The following CGGBP1 variants were observed in gnomAD, a reference collection of about 807,000 sequenced individuals.
CGGBP1 encodes the protein CGG triplet repeat binding protein 1, also known as CGG triplet repeat-binding protein 1.
In CGGBP1, 4 loss-of-function variants were observed where a neutral mutation model predicts 11.4. The ratio of observed to expected loss-of-function variants is 0.35; its 90% CI spans 0.17 to 0.80. CGGBP1 has a LOEUF of 0.80. Among genes scored for constraint, CGGBP1 ranks in the 30% least tolerant of loss-of-function variants. CGGBP1 has a pLI of 0.52. For missense variants in CGGBP1, 135 were observed against 202.1 expected (o/e 0.67, Z 2.01); for synonymous variants, 76 against 74.1 (o/e 1.03, Z -0.13).
intron 2 of CGGBP1, chr3:88,129,913 TG>T: frequency 1.7e-6 from 2 of 1,202,892 alleles, no homozygotes; most frequent in Admixed American, 6.4e-5. Flanking sequence ...TTACATTGTA[TG>T]AAAATGTCAA....
chr3:88,065,612 T>C (rs1299986340), intron 2 of CGGBP1, among the ~76,000 whole-genome samples: 1 of 152,062 alleles, frequency 6.6e-6, no homozygotes, highest in Non-Finnish European at 1.5e-5. Flanking sequence ...TGAATTTTAT[T>C]TTTTACATTT....
intron 2 of CGGBP1, among the ~76,000 whole-genome samples, chr3:88,099,424 GC>G: frequency 6.6e-6 from 1 of 152,296 alleles, no homozygotes; most frequent in East Asian, 1.9e-4. Context: ...TAGATTCAAT[GC>G]CATTCCCATC....
At chr3:88,076,499 T>C (rs1707809262) in intron 2 of CGGBP1, among the ~76,000 whole-genome samples, 1 of 152,238 alleles carries the variant, frequency 6.6e-6, no homozygotes, top group Non-Finnish European at 1.5e-5. Context: ...TCTTTTCTTT[T>C]ATCTTAATCA....
intron 2 of CGGBP1, among the ~76,000 whole-genome samples, chr3:88,116,640 A>T (rs1705424475): frequency 6.6e-6 from 1 of 152,038 alleles, no homozygotes; most frequent in African/African-American, 2.4e-5. Context: ...ATATATGTAT[A>T]TATATGGCTT....
chr3:88,112,909 AAGTAT>A (rs1226619667), intron 2 of CGGBP1, among the ~76,000 whole-genome samples: 1 of 152,104 alleles, frequency 6.6e-6, no homozygotes, highest in African/African-American at 2.4e-5. Context: ...TCTAAAACTT[AAGTAT>A]ATTTCTTTGT....
chr3:88,087,920 G>C (rs547577582), intron 2 of CGGBP1, among the ~76,000 whole-genome samples: 1 of 152,122 alleles, frequency 6.6e-6, no homozygotes, highest in African/African-American at 2.4e-5. Flanking sequence ...AACTCTTTGA[G>C]TGCTAACGTG....
intron 1 of CGGBP1, among the ~76,000 whole-genome samples, chr3:88,149,197 C>A (rs1219256548): frequency 6.6e-6 from 1 of 152,182 alleles, no homozygotes. Flanking sequence ...GTAAGAGCCC[C>A]ATGCACTGTT....
intron 2 of CGGBP1, among the ~76,000 whole-genome samples, chr3:88,070,382 T>C (rs1338491819): frequency 6.6e-6 from 1 of 152,088 alleles, no homozygotes; most frequent in Non-Finnish European, 1.5e-5. Flanking sequence ...ACGTAATGAT[T>C]GAGGTAAAGT....
At chr3:88,145,760 T>C (rs1232029180) in intron 1 of CGGBP1, among the ~76,000 whole-genome samples, 1 of 152,186 alleles carries the variant, frequency 6.6e-6, no homozygotes, top group Non-Finnish European at 1.5e-5. Flanking sequence ...CATGCCTTAT[T>C]GATGGGTACT....
chr3:88,130,121 A>G (rs1050711454), intron 2 of CGGBP1, among the ~76,000 whole-genome samples: 4 of 152,188 alleles, frequency 2.6e-5, no homozygotes, highest in African/African-American at 9.7e-5. Flanking sequence ...TTGCTAGTAG[A>G]ATATATGAAG....
At chr3:88,061,676 A>G (rs988828236), upstream of CGGBP1, among the ~76,000 whole-genome samples, 2 of 152,186 alleles carry the variant, frequency 1.3e-5, no homozygotes, top group African/African-American at 4.8e-5. Flanking sequence ...ATAAAATTCT[A>G]CCATAGTAAT....
chr3:88,136,930 T>A (rs1387583742), intron 2 of CGGBP1, among the ~76,000 whole-genome samples: 1 of 152,056 alleles, frequency 6.6e-6, no homozygotes, highest in East Asian at 1.9e-4. Flanking sequence ...CGCGATGGCT[T>A]ACACCAGTAA....
rs201799309 is a variant in CGGBP1 at position 88,116,410 on chromosome 3, C to CAGGA, written c.-229+24559_-229+24560insTCCT. Among the ~76,000 whole-genome samples the CAGGA allele has an allele frequency of 8.0e-3, 1,213 of 151,968 alleles. 23 individuals carry two copies. Among genetic ancestry groups the CAGGA allele is most frequent in the African/African-American group, 0.028 (1,150 of 41,418 alleles). ...CGGCTCATGCCTGTAATCCCAGCTA[C>CAGGA]TTGGGAGGCTGAGGCAGGAGAATCG... On this transcript the variant is annotated intron_variant, in intron 2 of 3. Coordinates refer to the CGGBP1 transcript ENST00000462901.
chr3:88,112,923 G>A (rs931392259), intron 2 of CGGBP1, among the ~76,000 whole-genome samples: 1 of 151,910 alleles, frequency 6.6e-6, no homozygotes, highest in African/African-American at 2.4e-5. Flanking sequence ...ATATTTCTTT[G>A]TATTTTCCTT....
At chr3:88,115,701 T>C (rs561555228) in intron 2 of CGGBP1, among the ~76,000 whole-genome samples, 2 of 152,350 alleles carry the variant, frequency 1.3e-5, no homozygotes, top group South Asian at 4.1e-4. Context: ...AACTTCATTC[T>C]TAGAGCCAAA....
chr3:88,095,611 C>G (rs758534362), intron 2 of CGGBP1: 4 of 519,520 alleles, frequency 7.7e-6, no homozygotes, highest in Non-Finnish European at 1.6e-5. Flanking sequence ...ATGATCTTTT[C>G]TGGTTCTAGT....
At chr3:88,103,435 C>A (rs2107726876) in intron 2 of CGGBP1, among the ~76,000 whole-genome samples, 1 of 151,920 alleles carries the variant, frequency 6.6e-6, no homozygotes, top group East Asian at 1.9e-4. Context: ...ATAGAAATAC[C>A]CAAACTAAAA....
intron 2 of CGGBP1, among the ~76,000 whole-genome samples, chr3:88,109,066 G>A (rs1200974443): frequency 6.6e-6 from 1 of 151,712 alleles, no homozygotes; most frequent in Non-Finnish European, 1.5e-5. Context: ...ATTGGGTTAG[G>A]TGCTATCCGT....
intron 2 of CGGBP1, among the ~76,000 whole-genome samples, chr3:88,122,899 A>G (rs1705858781): frequency 6.6e-6 from 1 of 151,286 alleles, no homozygotes; most frequent in Non-Finnish European, 1.5e-5. Context: ...AATCTCAGCT[A>G]CTCAGGAGGG....
Sources: gnomAD v4.1 joint callset for allele counts (sites outside exome capture counted in the v4.1 genomes callset) on GRCh38, gnomAD v4.1.1 for gene constraint, MANE v1.5 for transcripts, NCBI Gene and HGNC (gene_info 2026-07-23, HGNC 2026-07-21) for gene names.